RHEX: variants seen among roughly 807,000 people sequenced by gnomAD.
RHEX encodes the protein regulator of hemoglobinization and erythroid cell expansion.
In RHEX, 18 loss-of-function variants were observed where a neutral mutation model predicts 20.1. The ratio of observed to expected loss-of-function variants is 0.90; its 90% CI spans 0.62 to 1.33. The LOEUF is 1.33. Among genes scored for constraint, RHEX ranks in the 40% most tolerant of loss-of-function variants. The pLI is 0.00. For synonymous variants in RHEX, 87 were observed against 77.1 expected, an observed-to-expected ratio of 1.13 and a Z score of -0.67; for missense variants, 192 against 214.3, an observed-to-expected ratio of 0.90 and a Z score of 0.65.
At chr1:206,064,074 C>A (rs1275105405) in intron 1 of RHEX, among the ~76,000 whole-genome samples, 1 of 150,760 alleles carries the variant, frequency 6.6e-6, no homozygotes, top group Non-Finnish European at 1.5e-5. Flanking sequence ...AGCGCCTCTG[C>A]CCAGCCGCGA....
At chr1:206,089,662 T>C (rs1331278507) in intron 1 of RHEX, among the ~76,000 whole-genome samples, 5 of 152,122 alleles carry the variant, frequency 3.3e-5, no homozygotes, top group African/African-American at 1.2e-4. Context: ...GGCCCTAGTG[T>C]TTTTCTTAAA....
Position 206,097,202 on chromosome 1 carries a change from G to A in RHEX, c.-96-531G>A, listed in dbSNP as rs534490835. 7.9e-5 allele frequency among the ~76,000 whole-genome samples: 12 copies of A among 152,168 alleles called. No individual in the cohort carries two copies. In the East Asian group the frequency reaches 1.4e-3, roughly 17 times the overall value. On this transcript the variant is annotated intron_variant, in intron 1 of 5. Coordinates refer to ENST00000331555, the MANE Select transcript of RHEX (RefSeq NM_001007544.4). ...AGGTAATTTCCTGGAGTCTTTTCTC[G>A]CTCGCTGTCTGGGTCAGTCCCCAGG...
At chr1:206,073,594 A>G (rs568281393) in intron 1 of RHEX, among the ~76,000 whole-genome samples, 6 of 152,188 alleles carry the variant, frequency 3.9e-5, no homozygotes, top group East Asian at 1.9e-4. Flanking sequence ...TTTTGTCACT[A>G]TGCATACTGG....
chr1:206,064,156 C>T (rs1662365790), intron 1 of RHEX, among the ~76,000 whole-genome samples: 1 of 149,094 alleles, frequency 6.7e-6, no homozygotes, highest in South Asian at 2.1e-4. Flanking sequence ...CTCCGCCCGG[C>T]AGCCGCCCCG....
intron 1 of RHEX, among the ~76,000 whole-genome samples, chr1:206,066,201 G>C (rs907418277): frequency 6.6e-6 from 1 of 152,186 alleles, no homozygotes; most frequent in Non-Finnish European, 1.5e-5. Flanking sequence ...CTGCAGTCTC[G>C]TTGCTCTTAT....
At chr1:206,098,256 C>G in intron 3 of RHEX, 75 bp downstream of exon 3, 1 of 1,107,282 alleles carries the variant, frequency 9.0e-7, no homozygotes, top group African/African-American at 1.5e-5. Context: ...GGACAAGACC[C>G]CTTTGGAGTT....
At chr1:206,059,849 C>G (rs186705681) in intron 1 of RHEX, among the ~76,000 whole-genome samples, 1 of 152,166 alleles carries the variant, frequency 6.6e-6, no homozygotes, top group Non-Finnish European at 1.5e-5. Context: ...CTCCCCTTCC[C>G]CACCAGAGCA....
At chr1:206,086,049 C>T (rs1662832307) in intron 1 of RHEX, among the ~76,000 whole-genome samples, 1 of 152,182 alleles carries the variant, frequency 6.6e-6, no homozygotes, top group African/African-American at 2.4e-5. Flanking sequence ...TGATATTTGG[C>T]ACACTCCATC....
At chr1:206,053,585 G>A (rs1662114712) in intron 1 of RHEX, among the ~76,000 whole-genome samples, 1 of 152,136 alleles carries the variant, frequency 6.6e-6, no homozygotes, top group African/African-American at 2.4e-5. Flanking sequence ...ACCCCACTAG[G>A]AACTATGTTA....
At chr1:206,092,013 AATTT>A (rs1159198901) in intron 1 of RHEX, among the ~76,000 whole-genome samples, 2 of 151,766 alleles carry the variant, frequency 1.3e-5, no homozygotes, top group Non-Finnish European at 2.9e-5. Flanking sequence ...TAATGCTTCT[AATTT>A]ATTTATTTAT....
At chr1:206,055,685 C>A (rs1011133673) in intron 1 of RHEX, among the ~76,000 whole-genome samples, 1 of 152,256 alleles carries the variant, frequency 6.6e-6, no homozygotes, top group Non-Finnish European at 1.5e-5. Flanking sequence ...CTATTACACC[C>A]AACAGCAATG....
intron 1 of RHEX, among the ~76,000 whole-genome samples, chr1:206,068,662 C>A (rs1662473953): frequency 6.6e-6 from 1 of 152,166 alleles, no homozygotes; most frequent in South Asian, 2.1e-4. Flanking sequence ...TGCTACAGTT[C>A]AAGGGATTGA....
At position 206,099,677 on chromosome 1, in the gene RHEX, G is replaced by GA. The variant is rs1558180808; in HGVS notation, c.138dup (p.Ala47SerfsTer35). On this transcript the variant is annotated frameshift_variant, in exon 4 of 6. Coordinates refer to ENST00000331555, the MANE Select transcript of RHEX (RefSeq NM_001007544.4). LOFTEE classifies it high-confidence loss of function. ...CAGCCCACAAGAGTGAACAGATACTGAAAGCGGCCAGTCTCCAGGTTCCCA... is the reference window on the plus strand; with the variant it reads ...CAGCCCACAAGAGTGAACAGATACTGAAAAGCGGCCAGTCTCCAGGTTCCCA... The GA allele has an allele frequency of 1.2e-6, 2 of 1,614,066 alleles. No individual in the cohort carries two copies. Among genetic ancestry groups the GA allele is most frequent in the Non-Finnish European group, 1.7e-6 (2 of 1,180,002 alleles).
intron 1 of RHEX, among the ~76,000 whole-genome samples, chr1:206,081,967 T>C (rs1265932192): frequency 3.3e-5 from 5 of 152,204 alleles, no homozygotes; most frequent in Non-Finnish European, 7.3e-5. Context: ...GAAGTGTGTA[T>C]TGACACTGGC....
At chr1:206,053,535 T>A (rs1553282090) in intron 1 of RHEX, among the ~76,000 whole-genome samples, 1 of 152,102 alleles carries the variant, frequency 6.6e-6, no homozygotes, top group African/African-American at 2.4e-5. Flanking sequence ...GGGTGTGGTG[T>A]TTTGTCTCGA....
rs1463693204 is a variant in RHEX at position 206,102,112 on chromosome 1, T to C, written c.*160T>C. ...AAGAAAACTGATAAATACACAGAGGTCCTCAAGACCCATGGACTCCTGGTC... is the reference window on the plus strand; with the variant it reads ...AAGAAAACTGATAAATACACAGAGGCCCTCAAGACCCATGGACTCCTGGTC... On this transcript the variant is annotated 3_prime_UTR_variant, in exon 6 of 6. Transcript: ENST00000331555. 3.0e-6 allele frequency: 2 copies of C among 673,996 alleles called. No homozygotes were observed. Among genetic ancestry groups the C allele is most frequent in the Non-Finnish European group, 5.2e-6 (2 of 385,854 alleles). 41.8% of individuals were successfully genotyped at this position (673,996 alleles called of 1,614,324 possible). A position where few individuals can be genotyped will look rare whatever the true frequency, so the allele number is the denominator to read the frequency against.
chr1:206,054,126 CAAA>C (rs59711114), intron 1 of RHEX, among the ~76,000 whole-genome samples: 1 of 142,214 alleles, frequency 7.0e-6, no homozygotes, highest in Non-Finnish European at 1.5e-5. Flanking sequence ...TGGTTATCTT[CAAA>C]AAAAAAAAAA....
At chr1:206,094,816 C>T (rs28699261) in intron 1 of RHEX, among the ~76,000 whole-genome samples, 33,606 of 152,076 alleles carry the variant, frequency 0.22, 6,077 homozygotes, top group African/African-American at 0.5. Flanking sequence ...CCAAAGTGTA[C>T]GCTCTGAGTA....
At chr1:206,097,636 G>C in intron 1 of RHEX, 97 bp from the exon 2 acceptor site, 1 of 685,672 alleles carries the variant, frequency 1.5e-6, no homozygotes, top group Non-Finnish European at 2.5e-6. Flanking sequence ...GAATAAACTG[G>C]GCATGTGTCA....
Sources: allele counts gnomAD v4.1 joint callset (sites outside exome capture counted in the v4.1 genomes callset), GRCh38; gene constraint gnomAD v4.1.1; transcripts MANE v1.5; gene names NCBI Gene and HGNC (gene_info 2026-07-23, HGNC 2026-07-21).